Variants in PTPRM observed in about 807,000 individuals in gnomAD.
PTPRM encodes the protein protein tyrosine phosphatase receptor type M, also known as receptor-type tyrosine-protein phosphatase mu.
In PTPRM, 47 loss-of-function variants were observed where a neutral mutation model predicts 186.7. That is an observed-to-expected ratio of 0.25 (90% CI 0.20 to 0.32). The LOEUF is 0.32. Ranked by LOEUF, PTPRM falls within the 10% of genes least tolerant of loss-of-function variation. The pLI is 1.00. For missense variants in PTPRM, 1,494 were observed against 1,865.0 expected (o/e 0.80, Z 3.66); for synonymous variants, 668 against 674.9 (o/e 0.99, Z 0.16).
intron 2 of PTPRM, among the ~76,000 whole-genome samples, chr18:7,806,266 G>A (rs941472599): frequency 6.6e-5 from 10 of 152,130 alleles, no homozygotes; most frequent in African/African-American, 2.4e-4. Context: ...CCTCATCAGG[G>A]ATGTCTCCAC....
At chr18:8,259,763 C>G (rs1278395197) in intron 19 of PTPRM, among the ~76,000 whole-genome samples, 2 of 151,978 alleles carry the variant, frequency 1.3e-5, no homozygotes, top group Non-Finnish European at 2.9e-5. Flanking sequence ...TTTTCCCAAC[C>G]CAGCCTCCCA....
At chr18:8,041,897 A>T (rs1200962551) in intron 7 of PTPRM, among the ~76,000 whole-genome samples, 1 of 152,268 alleles carries the variant, frequency 6.6e-6, no homozygotes, top group Non-Finnish European at 1.5e-5. Flanking sequence ...CTCTAGAATT[A>T]GCTTGTCATG....
chr18:8,036,908 A>G (rs1416211131), intron 7 of PTPRM, among the ~76,000 whole-genome samples: 2 of 152,176 alleles, frequency 1.3e-5, no homozygotes, highest in Non-Finnish European at 2.9e-5. Context: ...AGTGGCATAA[A>G]TTTTAAATGC....
intron 2 of PTPRM, among the ~76,000 whole-genome samples, chr18:7,851,907 G>GTTTTTAGTGTT (rs2046879700): frequency 6.6e-6 from 1 of 152,138 alleles, no homozygotes; most frequent in South Asian, 2.1e-4. Flanking sequence ...AGAGAATGGG[G>GTTTTTAGTGTT]TTAGTGTTTT....
chr18:7,980,835 A>G (rs2082508526), intron 7 of PTPRM, among the ~76,000 whole-genome samples: 1 of 152,112 alleles, frequency 6.6e-6, no homozygotes, highest in African/African-American at 2.4e-5. Flanking sequence ...GGCATGCTAC[A>G]TGCTGAGATT....
At chr18:7,828,219 G>A (rs1167124972) in intron 2 of PTPRM, among the ~76,000 whole-genome samples, 2 of 151,810 alleles carry the variant, frequency 1.3e-5, no homozygotes, top group East Asian at 3.9e-4. Context: ...TAATGAGTTA[G>A]AATTCTTTTT....
intron 1 of PTPRM, among the ~76,000 whole-genome samples, chr18:7,577,524 A>T (rs1269651651): frequency 6.6e-6 from 1 of 152,198 alleles, no homozygotes. Flanking sequence ...TTATACCTAC[A>T]CAGAGCTCAG....
intron 1 of PTPRM, among the ~76,000 whole-genome samples, chr18:7,757,050 C>T (rs16952507): frequency 0.075 from 11,458 of 152,162 alleles, 689 homozygotes; most frequent in East Asian, 0.27. Context: ...CTTCTCATAA[C>T]GGGCCACCTG....
At chr18:7,984,821 A>T (rs1257745664) in intron 7 of PTPRM, among the ~76,000 whole-genome samples, 1 of 137,512 alleles carries the variant, frequency 7.3e-6, no homozygotes, top group Non-Finnish European at 1.5e-5. Flanking sequence ...AAAATTATAT[A>T]CACATATATA....
At chr18:7,786,586 A>G (rs1392290873) in intron 2 of PTPRM, among the ~76,000 whole-genome samples, 2 of 152,254 alleles carry the variant, frequency 1.3e-5, no homozygotes, top group East Asian at 1.9e-4. Context: ...GTATAAATAA[A>G]TGAGGTTTCT....
At chr18:8,219,800 G>A (rs572990268) in intron 14 of PTPRM, among the ~76,000 whole-genome samples, 66 of 152,294 alleles carry the variant, frequency 4.3e-4, no homozygotes, top group South Asian at 6.2e-4. Flanking sequence ...CTATGTCAGA[G>A]TCAGCCACAA....
chr18:8,160,573 G>A (rs2093211596), intron 14 of PTPRM, among the ~76,000 whole-genome samples: 2 of 152,176 alleles, frequency 1.3e-5, no homozygotes, highest in Admixed American at 1.3e-4. Context: ...GGGATTACAG[G>A]CACTGAACCA....
chr18:8,379,287 C>G lies in PTPRM; in HGVS notation c.3733C>G (p.Leu1245Val). 1 of 1,614,114 alleles carries G rather than the reference C, an allele frequency of 6.2e-7. No individual in the cohort carries two copies. Among genetic ancestry groups the G allele is most frequent in the East Asian group, 2.2e-5 (1 of 44,878 alleles). ...ILPPDRCLPFLITIDGESSNY... is the reference protein window; with the variant it reads ...ILPPDRCLPFVITIDGESSNY... Reference sequence around the variant, plus strand: ...GCCCCCAGACCGCTGCCTGCCCTTCCTCATCACCATCGATGGGGAGAGCAG... The same window carrying G: ...GCCCCCAGACCGCTGCCTGCCCTTCGTCATCACCATCGATGGGGAGAGCAG... The change falls in exon 28 of 33, where the codon CTC becomes GTC. Residue 1245 changes from leucine to valine, a missense_variant. This residue lies in a region of PTPRM where 1,107 missense variants were observed against 1,350.2 expected (regional missense o/e 0.82). Coordinates refer to ENST00000580170, the MANE Select transcript of PTPRM (RefSeq NM_001105244.2).
intron 19 of PTPRM, among the ~76,000 whole-genome samples, chr18:8,262,660 A>G (rs1340710973): frequency 6.6e-6 from 1 of 152,124 alleles, no homozygotes; most frequent in Non-Finnish European, 1.5e-5. Context: ...CATTCCCCCT[A>G]CAGTCTCACA....
intron 7 of PTPRM, among the ~76,000 whole-genome samples, chr18:8,036,213 A>G (rs2086320210): frequency 6.6e-6 from 1 of 152,254 alleles, no homozygotes. Flanking sequence ...TTTGGTTTCA[A>G]AGTAAAAATG....
chr18:7,736,664 G>A (rs1313296121), intron 1 of PTPRM, among the ~76,000 whole-genome samples: 1 of 152,212 alleles, frequency 6.6e-6, no homozygotes, highest in Non-Finnish European at 1.5e-5. Flanking sequence ...GTACGTGACA[G>A]GGGCTGCATG....
intron 1 of PTPRM, among the ~76,000 whole-genome samples, chr18:7,729,703 C>T (rs2040618957): frequency 6.6e-6 from 1 of 152,092 alleles, no homozygotes; most frequent in Admixed American, 6.5e-5. Flanking sequence ...CTTATCATTT[C>T]AAAGCACACA....
chr18:8,152,493 C>T (rs1439011899), intron 14 of PTPRM, among the ~76,000 whole-genome samples: 2 of 152,156 alleles, frequency 1.3e-5, no homozygotes, highest in Admixed American at 1.3e-4. Context: ...TGGTCCCCAC[C>T]ATTACAACTG....
intron 14 of PTPRM, among the ~76,000 whole-genome samples, chr18:8,165,027 A>G (rs1441479222): frequency 1.3e-5 from 2 of 151,936 alleles, no homozygotes; most frequent in Admixed American, 6.6e-5. Flanking sequence ...AAATTAGCTG[A>G]GTACGGTGGC....
Sources: gnomAD v4.1 joint callset for allele counts (sites outside exome capture counted in the v4.1 genomes callset) on GRCh38, gnomAD v4.1.1 for gene constraint, gnomAD v4.1.1 regional missense constraint, MANE v1.5 for transcripts, NCBI Gene and HGNC (gene_info 2026-07-23, HGNC 2026-07-21) for gene names.